MNS1: variants seen among roughly 807,000 people sequenced by gnomAD.
The protein encoded by MNS1 is meiosis specific nuclear structural 1, also known as meiosis-specific nuclear structural protein 1.
Under a neutral mutation model 72.0 loss-of-function variants are expected in MNS1, and 63 were observed. The ratio of observed to expected loss-of-function variants is 0.87; its 90% CI spans 0.71 to 1.08. The LOEUF is 1.08. Ranked by LOEUF, MNS1 falls within the 50% of genes least tolerant of loss-of-function variation. The pLI, the probability that MNS1 is intolerant of heterozygous loss-of-function variation, is 0.00. For missense variants in MNS1, 604 were observed against 562.4 expected, an observed-to-expected ratio of 1.07 and a Z score of -0.75; for synonymous variants, 188 against 172.1, an observed-to-expected ratio of 1.09 and a Z score of -0.72.
chr15:56,461,683 C>T (rs1402045591), intron 2 of MNS1, among the ~76,000 whole-genome samples: 1 of 99,386 alleles, frequency 1.0e-5, no homozygotes, highest in African/African-American at 3.7e-5. Flanking sequence ...AAAAAAAAAA[C>T]GACACAGAGG....
chr15:56,443,942 A>C (rs1389706943), intron 5 of MNS1, 88 bp from the exon 6 acceptor site: 3 of 1,038,992 alleles, frequency 2.9e-6, no homozygotes, highest in Admixed American at 3.1e-5. Context: ...GTACAGAAAA[A>C]CACTATAGTT....
At chr15:56,436,873 G>C (rs2140338408) in intron 7 of MNS1, among the ~76,000 whole-genome samples, 1 of 152,172 alleles carries the variant, frequency 6.6e-6, no homozygotes, top group Admixed American at 6.6e-5. Flanking sequence ...TAAATTCCTG[G>C]ACACATACAC....
intron 3 of MNS1, among the ~76,000 whole-genome samples, chr15:56,448,040 A>G (rs562321700): frequency 3.3e-5 from 5 of 152,320 alleles, no homozygotes; most frequent in South Asian, 2.1e-4. Context: ...TTGCTTATCT[A>G]TTCACATGCT....
chr15:56,443,920 G>T, intron 5 of MNS1, 66 bp from the exon 6 acceptor site: 1 of 1,217,644 alleles, frequency 8.2e-7, no homozygotes, highest in Admixed American at 2.8e-5. Flanking sequence ...ATTTCATTTT[G>T]TTCATAATAA....
chr15:56,459,771 A>G (rs971606992), intron 2 of MNS1, among the ~76,000 whole-genome samples: 2 of 151,406 alleles, frequency 1.3e-5, no homozygotes, highest in South Asian at 2.1e-4. Context: ...AGGACAGATC[A>G]TCTTAGGTTG....
intron 2 of MNS1, among the ~76,000 whole-genome samples, chr15:56,463,094 A>C (rs1380945227): frequency 6.6e-6 from 1 of 152,218 alleles, no homozygotes; most frequent in African/African-American, 2.4e-5. Context: ...AACTACTGAC[A>C]TATCAGAATA....
chr15:56,461,480 G>A (rs754091441), intron 2 of MNS1, among the ~76,000 whole-genome samples: 5 of 151,954 alleles, frequency 3.3e-5, no homozygotes, highest in South Asian at 2.1e-4. Flanking sequence ...GGCCAACATC[G>A]TGAAACCCCA....
At chr15:56,456,049 C>T (rs2140376201) in intron 3 of MNS1, among the ~76,000 whole-genome samples, 1 of 152,094 alleles carries the variant, frequency 6.6e-6, no homozygotes, top group African/African-American at 2.4e-5. Context: ...TCCAGAAATA[C>T]TGTAGGAAAT....
Position 56,444,616 on chromosome 15 carries a change from CCTTT to C in MNS1, c.510_513del (p.Ile170MetfsTer21), listed in dbSNP as rs749434250. 4.3e-6 allele frequency: 7 copies of C among 1,613,084 alleles called. No individual in the cohort carries two copies. The highest frequency in any genetic ancestry group is 5.1e-6 in the Non-Finnish European group (6 of 1,179,516). ...CGTTTGTCTTCTGCAGCATTCTCTT[CCTTT>C]ATTATTCTCTTGTGTTCTTCCATCA... On this transcript the variant is annotated frameshift_variant, in exon 5 of 10. Coordinates refer to ENST00000260453, the MANE Select transcript of MNS1 (RefSeq NM_018365.4). LOFTEE classifies it high-confidence loss of function.
chr15:56,465,073 C>A lies in MNS1; in HGVS notation c.-101G>T. ...CCCAAGGAGCGCACCTGGCTGCGCG[C>A]GCTCGGGTGTTTACGCGGCGTCTTG... On this transcript the variant is annotated 5_prime_UTR_variant, in exon 1 of 10. Coordinates refer to ENST00000260453, the MANE Select transcript of MNS1 (RefSeq NM_018365.4). 2.0e-6 allele frequency: 3 copies of A among 1,514,198 alleles called. No individual in the cohort carries two copies. Among genetic ancestry groups the A allele is most frequent in the South Asian group, 2.4e-5 (2 of 82,544 alleles). The allele number at this position is 1,514,198 out of a possible 1,614,324, so 93.8% of individuals were successfully genotyped here.
chr15:56,464,773 T>C lies in MNS1; in HGVS notation c.3+197A>G, dbSNP rs919698208. ...ATTTAAAGATGTATTTAATACACTA[T>C]GCGAAAAGTGCCAAAAAAGCTGGAA... On this transcript the variant is annotated intron_variant, in intron 1 of 9. Transcript: ENST00000260453. 3.3e-5 allele frequency among the ~76,000 whole-genome samples: 5 copies of C among 152,166 alleles called. No homozygotes were observed. The South Asian group carries it at 6.2e-4, about 19-fold the overall frequency.
intron 8 of MNS1, 102 bp from the exon 9 acceptor site, chr15:56,431,600 C>CTAT: frequency 9.3e-7 from 1 of 1,075,864 alleles, no homozygotes; most frequent in South Asian, 1.6e-5. Context: ...AATTGATGAA[C>CTAT]TATTTATGAC....
chr15:56,462,554 T>C (rs145829465), intron 2 of MNS1, among the ~76,000 whole-genome samples: 119 of 152,322 alleles, frequency 7.8e-4, no homozygotes, highest in African/African-American at 2.8e-3. Flanking sequence ...CAAACACGTA[T>C]ATTCAGAATG....
chr15:56,464,788 A>G (rs2051047782), intron 1 of MNS1, among the ~76,000 whole-genome samples, 182 bp downstream of exon 1: 1 of 152,224 alleles, frequency 6.6e-6, no homozygotes, highest in African/African-American at 2.4e-5. Flanking sequence ...AAAGTGCCAA[A>G]AAAGCTGGAA....
In MNS1 at chr15:56,464,232, T is replaced by G. The variant is rs778545180; in HGVS notation, c.19A>C (p.Asn7His). Residue 7 changes from asparagine (N) to histidine (H), a missense_variant, in exon 2 of 10, where the codon AAT becomes CAT. Asn to His is a moderately conservative substitution (Grantham distance 68). Transcript: ENST00000260453. MGSKRR[N>H]LSCSERHQKL... is the part of the protein sequence containing the mutation. The stretch of plus-strand genomic sequence containing the variant: ...TGATGCCTTTCACTACAGCTCAAAT[T>G]TCTCCTTTTGGAACCCTACGATGGA... 1.2e-6 allele frequency: 2 copies of G among 1,608,514 alleles called. No individual in the cohort carries two copies. The highest frequency in any genetic ancestry group is 1.1e-5 in the South Asian group (1 of 89,462).
At chr15:56,443,344 G>T in intron 7 of MNS1, 86 bp downstream of exon 7, 1 of 984,042 alleles carries the variant, frequency 1.0e-6, no homozygotes, top group Admixed American at 3.2e-5. Flanking sequence ...AGTATGGTTG[G>T]ATTTAAATGT....
At chr15:56,447,725 A>G (rs74520715) in intron 3 of MNS1, 1 of 152,182 alleles carries the variant, frequency 6.6e-6, no homozygotes, top group East Asian at 1.9e-4. Context: ...TTACATATGT[A>G]TGCACCTGTG....
At chr15:56,429,951 T>TATTA (rs2140310867) in intron 9 of MNS1, 1 of 152,334 alleles carries the variant, frequency 6.6e-6, no homozygotes, top group Admixed American at 6.5e-5. Flanking sequence ...TTATGAAATG[T>TATTA]ATTAATTACA....
intron 3 of MNS1, among the ~76,000 whole-genome samples, chr15:56,452,633 C>G (rs922105848): frequency 7.9e-5 from 12 of 151,916 alleles, no homozygotes; most frequent in African/African-American, 2.7e-4. Context: ...ATTATCCTGC[C>G]TCAGCCTCCC....
Sources: gnomAD v4.1 joint callset for allele counts (sites outside exome capture counted in the v4.1 genomes callset) on GRCh38, gnomAD v4.1.1 for gene constraint, MANE v1.5 for transcripts, NCBI Gene and HGNC (gene_info 2026-07-23, HGNC 2026-07-21) for gene names.